BLOC1S5: variants seen among roughly 807,000 people sequenced by gnomAD.
BLOC1S5 encodes the protein biogenesis of lysosome-related organelles complex 1 subunit 5.
Under a neutral mutation model 24.3 loss-of-function variants are expected in BLOC1S5, and 27 were observed. The observed-to-expected ratio is 1.11, with a 90% confidence interval of 0.82 to 1.53. The LOEUF is 1.53. Ranked by LOEUF, BLOC1S5 falls within the 40% of genes most tolerant of loss-of-function variation. The pLI is 0.00. For missense variants in BLOC1S5, 239 were observed against 229.4 expected, an observed-to-expected ratio of 1.04 and a Z score of -0.27; for synonymous variants, 84 against 74.5, an observed-to-expected ratio of 1.13 and a Z score of -0.66.
In BLOC1S5 at chr6:8,058,583, G is replaced by C. The variant is rs576448671; in HGVS notation, c.195+3951C>G. Among the ~76,000 whole-genome samples the C allele has an allele frequency of 3.3e-5, 5 of 152,204 alleles. No individual in the cohort carries two copies. In the South Asian group the frequency reaches 1.0e-3, roughly 32 times the overall value. On this transcript the variant is annotated intron_variant, in intron 2 of 4. Transcript: ENST00000397457. ...CGGGTTACTGTGGTCCCAGCTACTTGGGAGGCTGAAGTAAGAAGACTGCTT... is the reference window on the plus strand; with the variant it reads ...CGGGTTACTGTGGTCCCAGCTACTTCGGAGGCTGAAGTAAGAAGACTGCTT...
intron 2 of BLOC1S5, among the ~76,000 whole-genome samples, chr6:8,049,195 AC>A (rs1192333266): frequency 1.3e-5 from 2 of 151,744 alleles, no homozygotes; most frequent in African/African-American, 2.4e-5. Context: ...ACATGGTGAA[AC>A]CCCATCTCTA....
chr6:8,062,598 G>T lies in BLOC1S5; in HGVS notation c.131C>A (p.Ser44Ter). 1 of 1,601,356 alleles carries T rather than the reference G, an allele frequency of 6.2e-7. No individual in the cohort carries two copies. Among genetic ancestry groups the T allele is most frequent in the South Asian group, 1.1e-5 (1 of 89,374 alleles). Residue 44 changes from serine (S) to a stop codon, truncating the protein, a stop_gained, in exon 2 of 5, where the codon TCA becomes TAA. Coordinates refer to ENST00000397457, the MANE Select transcript of BLOC1S5 (RefSeq NM_201280.3). LOFTEE classifies it high-confidence loss of function. ...AACTGGTCTGTGATCCAAAAGCCTT[G>T]AATGAATTTCTCCAAGATCTATAAA... The part of the protein sequence containing the change: ...LIIKDLGEIH[S>*]RLLDHRPVIQ...
intron 4 of BLOC1S5, among the ~76,000 whole-genome samples, chr6:8,016,113 G>C (rs1762724554): frequency 6.6e-6 from 1 of 152,206 alleles, no homozygotes; most frequent in Non-Finnish European, 1.5e-5. Context: ...ATCACCTCAA[G>C]TAAGGAGTTT....
At chr6:8,042,966 T>C (rs1235039456) in intron 2 of BLOC1S5, among the ~76,000 whole-genome samples, 1 of 152,202 alleles carries the variant, frequency 6.6e-6, no homozygotes, top group Non-Finnish European at 1.5e-5. Flanking sequence ...GTGACTCCAC[T>C]GGGGGACGAC....
chr6:8,034,691 G>A (rs1763426123), intron 3 of BLOC1S5, among the ~76,000 whole-genome samples: 1 of 152,108 alleles, frequency 6.6e-6, no homozygotes, highest in Non-Finnish European at 1.5e-5. Context: ...CACTGCTGGT[G>A]GGAATGTAAA....
In BLOC1S5 at chr6:8,064,340, C is replaced by G. The variant is rs143782042; in HGVS notation, c.37G>C (p.Glu13Gln). Residue 13 changes from glutamate (E) to glutamine (Q), a missense_variant, in exon 1 of 5, where the codon GAG (glutamate) becomes CAG (glutamine). Coordinates refer to ENST00000397457, the MANE Select transcript of BLOC1S5 (RefSeq NM_201280.3). ...GGGTETPVGC[E>Q]AAPGGGSKKR... is the part of the protein sequence containing the mutation. ...TTGCTGCCACCGCCCGGGGCGGCCT[C>G]ACAACCCACAGGGGTCTCTGTCCCT... 1 of 1,612,816 alleles carries G rather than the reference C, an allele frequency of 6.2e-7. No homozygotes were observed. Among genetic ancestry groups the G allele is most frequent in the South Asian group, 1.1e-5 (1 of 91,060 alleles).
intron 3 of BLOC1S5, among the ~76,000 whole-genome samples, chr6:8,031,735 T>G (rs1475577449): frequency 2.6e-5 from 4 of 152,102 alleles, no homozygotes; most frequent in Non-Finnish European, 5.9e-5. Context: ...AAGGCTATAG[T>G]CACCAAAACA....
Position 8,014,286 on chromosome 6 carries a change from T to G in BLOC1S5, c.*1363A>C, listed in dbSNP as rs952932340. 1 of 152,184 alleles carries G rather than the reference T, an allele frequency of 6.6e-6. No individual in the cohort carries two copies. The highest frequency in any genetic ancestry group is 2.4e-5 in the African/African-American group (1 of 41,448). The allele number at this position is 152,184 out of a possible 1,614,324, so 9.4% of individuals were successfully genotyped here. A position where few individuals can be genotyped will look rare whatever the true frequency, so the allele number is the denominator to read the frequency against. ...CTTAGTTCTTCAGTTAGATTTTTTT[T>G]TTGTTGAGATGGAGTCTCACTCTGT... On this transcript the variant is annotated 3_prime_UTR_variant, in exon 5 of 5. Transcript: ENST00000397457.
At chr6:8,033,887 G>A (rs7747458) in intron 3 of BLOC1S5, among the ~76,000 whole-genome samples, 5,970 of 152,244 alleles carry the variant, frequency 0.039, 371 homozygotes, top group African/African-American at 0.13. Context: ...AATGCTCATC[G>A]TCACTGGTCA....
At chr6:8,057,432 G>A (rs1252480468) in intron 2 of BLOC1S5, among the ~76,000 whole-genome samples, 2 of 152,172 alleles carry the variant, frequency 1.3e-5, no homozygotes, top group Non-Finnish European at 2.9e-5. Context: ...TATGTATATT[G>A]TTTCTGGCAT....
intron 3 of BLOC1S5, among the ~76,000 whole-genome samples, chr6:8,034,599 A>G (rs1381298057): frequency 1.3e-5 from 2 of 152,192 alleles, no homozygotes; most frequent in African/African-American, 4.8e-5. Flanking sequence ...TGTTGTGCAC[A>G]TGTACCCTAG....
At chr6:8,061,028 A>C (rs1447744157) in intron 2 of BLOC1S5, among the ~76,000 whole-genome samples, 2 of 152,088 alleles carry the variant, frequency 1.3e-5, no homozygotes, top group Non-Finnish European at 2.9e-5. Flanking sequence ...GAGTTTTGCC[A>C]TGTTGGCCAG....
intron 2 of BLOC1S5, among the ~76,000 whole-genome samples, chr6:8,058,681 C>T (rs952110663): frequency 1.3e-5 from 2 of 152,032 alleles, no homozygotes; most frequent in African/African-American, 2.4e-5. Context: ...CAGAGCGTGA[C>T]CCTGTCTCAA....
At chr6:8,035,034 C>T (rs995983384) in intron 3 of BLOC1S5, among the ~76,000 whole-genome samples, 1 of 152,036 alleles carries the variant, frequency 6.6e-6, no homozygotes, top group Non-Finnish European at 1.5e-5. Flanking sequence ...GAAATAATGA[C>T]ATTCACAGCA....
At chr6:8,015,934 G>A (rs1328044572) in intron 4 of BLOC1S5, 106 bp from the exon 5 acceptor site, 1 of 1,018,262 alleles carries the variant, frequency 9.8e-7, no homozygotes, top group Non-Finnish European at 1.4e-6. Context: ...TAAGTCACAA[G>A]GAAAAAGTTG....
rs569996341 is a variant in BLOC1S5 at position 8,053,653 on chromosome 6, C to T, written c.195+8881G>A. ...TTAACTTGCTTTATTGCAATATTCA[C>T]GTCATTGCAGAGGCCTGTAACCAAA... On this transcript the variant is annotated intron_variant, in intron 2 of 4. Transcript: ENST00000397457. Among the ~76,000 whole-genome samples the T allele has an allele frequency of 1.2e-3, 187 of 152,242 alleles. 1 individual carries two copies. Among genetic ancestry groups the T allele is most frequent in the African/African-American group, 3.9e-3 (160 of 41,520 alleles).
At chr6:8,022,235 T>C (rs1431412120) in intron 4 of BLOC1S5, among the ~76,000 whole-genome samples, 1 of 149,260 alleles carries the variant, frequency 6.7e-6, no homozygotes, top group Non-Finnish European at 1.5e-5. Flanking sequence ...GGGGAGGTGC[T>C]ACTGGCATCT....
At chr6:8,062,000 A>T (rs1263445977) in intron 2 of BLOC1S5, among the ~76,000 whole-genome samples, 1 of 152,254 alleles carries the variant, frequency 6.6e-6, no homozygotes, top group African/African-American at 2.4e-5. Flanking sequence ...CTCTGGCAGC[A>T]GGGTGAAAAC....
intron 2 of BLOC1S5, among the ~76,000 whole-genome samples, chr6:8,051,201 T>A (rs1451598832): frequency 6.6e-6 from 1 of 151,108 alleles, no homozygotes; most frequent in East Asian, 2.0e-4. Flanking sequence ...AAAAAAAAGT[T>A]ATTCTAGTGA....
Sources: gnomAD v4.1 joint callset for allele counts (sites outside exome capture counted in the v4.1 genomes callset) on GRCh38, gnomAD v4.1.1 for gene constraint, MANE v1.5 for transcripts, NCBI Gene and HGNC (gene_info 2026-07-23, HGNC 2026-07-21) for gene names.